Variants in STAU2 observed in about 807,000 individuals in gnomAD.
The protein encoded by STAU2 is staufen double-stranded RNA binding protein 2.
In STAU2, 20 loss-of-function variants were observed where a neutral mutation model predicts 65.9. The observed-to-expected ratio is 0.30, with a 90% CI of 0.21 to 0.44. The LOEUF (loss-of-function observed/expected upper bound fraction) is 0.44. STAU2 is among the 20% of genes least tolerant of loss of function. The pLI is 1.00. For synonymous variants in STAU2, 232 were observed against 233.9 expected (o/e 0.99, Z 0.07); for missense variants, 558 against 683.9 (o/e 0.82, Z 2.05).
chr8:73,732,520 G>A (rs953340092), intron 3 of STAU2: 1 of 152,176 alleles, frequency 6.6e-6, no homozygotes, highest in Non-Finnish European at 1.5e-5. Flanking sequence ...ATAGGGGAAA[G>A]TAGAAGTCTT....
chr8:73,454,496 A>G (rs948113508), intron 13 of STAU2, among the ~76,000 whole-genome samples: 1 of 152,186 alleles, frequency 6.6e-6, no homozygotes, highest in Admixed American at 6.5e-5. Flanking sequence ...GTGTATCTGT[A>G]TGGAGGGATG....
At chr8:73,639,464 A>C (rs903318592) in intron 6 of STAU2, among the ~76,000 whole-genome samples, 4 of 152,106 alleles carry the variant, frequency 2.6e-5, no homozygotes, top group African/African-American at 9.7e-5. Context: ...ATGGAAGCCT[A>C]GCAACATATT....
chr8:73,523,504 G>A (rs1455115971), intron 13 of STAU2, among the ~76,000 whole-genome samples: 4 of 152,080 alleles, frequency 2.6e-5, no homozygotes, highest in African/African-American at 9.7e-5. Context: ...GACAAACGCA[G>A]TCATGTTTCT....
intron 12 of STAU2, among the ~76,000 whole-genome samples, chr8:73,582,391 G>A (rs1182164785): frequency 1.3e-5 from 2 of 150,310 alleles, no homozygotes; most frequent in African/African-American, 4.9e-5. Flanking sequence ...TGATTTGACA[G>A]TATAATCAGC....
At chr8:73,432,528 C>T (rs1817376908) in intron 13 of STAU2, among the ~76,000 whole-genome samples, 1 of 152,252 alleles carries the variant, frequency 6.6e-6, no homozygotes, top group Non-Finnish European at 1.5e-5. Flanking sequence ...TAATTAAATA[C>T]TGTGTCTCTT....
intron 13 of STAU2, among the ~76,000 whole-genome samples, chr8:73,439,442 C>A (rs1817961872): frequency 6.6e-6 from 1 of 152,148 alleles, no homozygotes; most frequent in South Asian, 2.1e-4. Context: ...CATGGTGAAA[C>A]CCCATCTCTA....
intron 12 of STAU2, among the ~76,000 whole-genome samples, chr8:73,563,540 C>T (rs1156578642): frequency 6.6e-6 from 1 of 152,058 alleles, no homozygotes; most frequent in Admixed American, 6.6e-5. Context: ...ATATTAATAC[C>T]TTAGTTGTGA....
At chr8:73,452,752 A>C (rs1489957489) in intron 13 of STAU2, among the ~76,000 whole-genome samples, 1 of 152,184 alleles carries the variant, frequency 6.6e-6, no homozygotes, top group Non-Finnish European at 1.5e-5. Context: ...TGCTTTTCTG[A>C]GTGAATTCTA....
At chr8:73,560,475 T>C (rs1213375724) in intron 12 of STAU2, among the ~76,000 whole-genome samples, 1 of 152,194 alleles carries the variant, frequency 6.6e-6, no homozygotes, top group Non-Finnish European at 1.5e-5. Flanking sequence ...AAGCACTGAT[T>C]TTATTAATTT....
At chr8:73,652,962 G>A (rs1473247511) in intron 6 of STAU2, 1 of 152,038 alleles carries the variant, frequency 6.6e-6, no homozygotes, top group Non-Finnish European at 1.5e-5. Context: ...AAAACTCGAT[G>A]TTTTCCACAG....
At chr8:73,693,317 C>CA (rs1819481428) in intron 4 of STAU2, among the ~76,000 whole-genome samples, 3 of 151,592 alleles carry the variant, frequency 2.0e-5, no homozygotes, top group East Asian at 1.9e-4. Flanking sequence ...ACTAAAAATA[C>CA]AAAAAAAATT....
intron 1 of STAU2, among the ~76,000 whole-genome samples, chr8:73,744,556 G>T (rs1285144432): frequency 6.6e-6 from 1 of 150,582 alleles, no homozygotes; most frequent in Non-Finnish European, 1.5e-5. Context: ...TCGATTTCTG[G>T]ATTGTTTGTA....
At position 73,569,523 on chromosome 8, in the gene STAU2, C is replaced by T. The variant is rs545223760; in HGVS notation, c.1222+13247G>A. ...ACAGACTGCCACCTCAAGTGGGTCC[C>T]TGACCCCCGAGAAGCCTAACTGGGA... On this transcript the variant is annotated intron_variant, in intron 12 of 14. Transcript: ENST00000524300. Among the ~76,000 whole-genome samples the T allele has an allele frequency of 2.0e-4, 31 of 152,198 alleles. No individual in the cohort carries two copies. In the South Asian group the frequency reaches 5.0e-3, roughly 25 times the overall value.
intron 6 of STAU2, chr8:73,652,370 T>C (rs1404239160): frequency 6.6e-6 from 1 of 152,094 alleles, no homozygotes; most frequent in Non-Finnish European, 1.5e-5. Context: ...ACCCTTTCTG[T>C]TTCCTTTAAC....
At chr8:73,546,302 T>C (rs576173351) in intron 13 of STAU2, among the ~76,000 whole-genome samples, 17 of 152,124 alleles carry the variant, frequency 1.1e-4, no homozygotes, top group African/African-American at 3.9e-4. Context: ...TACTCAGTTG[T>C]ATATATAGTT....
intron 13 of STAU2, among the ~76,000 whole-genome samples, chr8:73,526,969 A>T (rs1480518188): frequency 6.6e-6 from 1 of 152,238 alleles, no homozygotes; most frequent in Non-Finnish European, 1.5e-5. Flanking sequence ...TTCTACATAC[A>T]GTCACATGCT....
At chr8:73,615,575 C>T (rs2129863003) in intron 8 of STAU2, 100 bp downstream of exon 8, 1 of 833,278 alleles carries the variant, frequency 1.2e-6, no homozygotes, top group Non-Finnish European at 2.0e-6. Context: ...TAGAAGCACA[C>T]TAACTCTTGC....
At chr8:73,726,458 T>C (rs1563532179) in intron 3 of STAU2, among the ~76,000 whole-genome samples, 1 of 152,170 alleles carries the variant, frequency 6.6e-6, no homozygotes, top group Non-Finnish European at 1.5e-5. Flanking sequence ...CATTATTTCT[T>C]ATAATATTTT....
intron 12 of STAU2, among the ~76,000 whole-genome samples, chr8:73,557,550 C>G (rs1807883008): frequency 7.2e-5 from 11 of 152,196 alleles, no homozygotes; most frequent in Admixed American, 7.2e-4. Context: ...GTTCATACTT[C>G]TATTAGTAGG....
Sources: gnomAD v4.1 joint callset for allele counts (sites outside exome capture counted in the v4.1 genomes callset) on GRCh38, gnomAD v4.1.1 for gene constraint, MANE v1.5 for transcripts, NCBI Gene and HGNC (gene_info 2026-07-23, HGNC 2026-07-21) for gene names.